NRXN3: variants seen among roughly 807,000 people sequenced by gnomAD.
The protein encoded by NRXN3 is neurexin 3.
A neutral mutation model predicts 137.6 loss-of-function variants in NRXN3; 32 were observed. The ratio of observed to expected loss-of-function variants is 0.23; its 90% CI spans 0.18 to 0.31. NRXN3 has a LOEUF of 0.31. Among genes scored for constraint, NRXN3 ranks in the 10% least tolerant of loss-of-function variants. NRXN3 has a pLI of 1.00. For synonymous variants in NRXN3, 798 were observed against 784.5 expected (o/e 1.02, Z -0.29); for missense variants, 1,574 against 2,062.5 (o/e 0.76, Z 4.59).
At chr14:78,838,802 G>A (rs1406559349) in intron 10 of NRXN3, among the ~76,000 whole-genome samples, 2 of 152,090 alleles carry the variant, frequency 1.3e-5, no homozygotes, top group Admixed American at 1.3e-4. Flanking sequence ...CATCTAATAT[G>A]CTGTTCAACT....
At chr14:78,784,637 GT>G (rs1479870456) in intron 8 of NRXN3, among the ~76,000 whole-genome samples, 6 of 152,184 alleles carry the variant, frequency 3.9e-5, no homozygotes, top group African/African-American at 1.2e-4. Flanking sequence ...TATAACAAGG[GT>G]AGGAGGTGAT....
At chr14:79,068,275 A>C (rs2099683288) in intron 15 of NRXN3, among the ~76,000 whole-genome samples, 3 of 152,116 alleles carry the variant, frequency 2.0e-5, no homozygotes, top group African/African-American at 7.2e-5. Context: ...GAATACTTTA[A>C]CTTTAAACCT....
At chr14:78,317,740 T>A (rs1018766120) in intron 4 of NRXN3, among the ~76,000 whole-genome samples, 3 of 152,306 alleles carry the variant, frequency 2.0e-5, no homozygotes, top group African/African-American at 7.2e-5. Context: ...GTACTGGGAC[T>A]CAGTTAAGTT....
chr14:78,559,104 C>T (rs1253967223), intron 4 of NRXN3, among the ~76,000 whole-genome samples: 1 of 151,620 alleles, frequency 6.6e-6, no homozygotes, highest in Non-Finnish European at 1.5e-5. Flanking sequence ...CACAAGGCCT[C>T]CCTGGTTTTA....
chr14:78,336,688 T>C (rs1381292234), intron 4 of NRXN3, among the ~76,000 whole-genome samples: 3 of 152,150 alleles, frequency 2.0e-5, no homozygotes, highest in Non-Finnish European at 4.4e-5. Flanking sequence ...GAGATGATTG[T>C]TAGTAACAGA....
Position 79,460,513 on chromosome 14 carries a change from T to C in NRXN3, c.3263-6708T>C, listed in dbSNP as rs1466231096. Among the ~76,000 whole-genome samples, 5 of 152,282 alleles carry C rather than the reference T, an allele frequency of 3.3e-5. No individual in the cohort carries two copies. In the South Asian group the frequency reaches 8.3e-4, roughly 25 times the overall value. ...AAAGGGTCTCACTCTGCACACCAAT[T>C]TGAGTTCCCATGTTATCAAACAGAT... On this transcript the variant is annotated intron_variant, in intron 15 of 20. Coordinates refer to ENST00000335750, the MANE Select transcript of NRXN3 (RefSeq NM_001330195.2).
intron 8 of NRXN3, among the ~76,000 whole-genome samples, chr14:78,776,693 G>T (rs1388783129): frequency 6.6e-6 from 1 of 152,134 alleles, no homozygotes; most frequent in East Asian, 1.9e-4. Context: ...TAGGATTCAT[G>T]ACCTGTTTCA....
intron 15 of NRXN3, among the ~76,000 whole-genome samples, chr14:78,992,642 C>A (rs550408734): frequency 3.3e-5 from 5 of 152,124 alleles, no homozygotes; most frequent in African/African-American, 1.2e-4. Context: ...GAATAGAACC[C>A]TCCTGCATGC....
chr14:79,843,992 T>C (rs1171002629), intron 20 of NRXN3, among the ~76,000 whole-genome samples: 1 of 152,164 alleles, frequency 6.6e-6, no homozygotes, highest in Non-Finnish European at 1.5e-5. Context: ...AGAGAGAGCA[T>C]ACAATATTTA....
At chr14:78,188,039 C>T (rs1255053035) in intron 1 of NRXN3, among the ~76,000 whole-genome samples, 1 of 152,126 alleles carries the variant, frequency 6.6e-6, no homozygotes, top group African/African-American at 2.4e-5. Flanking sequence ...ATGTGACTGT[C>T]CTCCACATAC....
chr14:78,418,391 A>G (rs1210850454), intron 4 of NRXN3, among the ~76,000 whole-genome samples: 2 of 152,104 alleles, frequency 1.3e-5, no homozygotes, highest in African/African-American at 4.8e-5. Context: ...TTGCCCTTAG[A>G]AATAAGGAAT....
intron 15 of NRXN3, among the ~76,000 whole-genome samples, chr14:79,200,795 A>G (rs988156514): frequency 8.3e-5 from 11 of 131,776 alleles, no homozygotes; most frequent in South Asian, 7.3e-4. Flanking sequence ...TTAAATCACT[A>G]TCTGAAATCC....
chr14:78,537,308 G>GT (rs1460149524), intron 4 of NRXN3, among the ~76,000 whole-genome samples: 2 of 152,200 alleles, frequency 1.3e-5, no homozygotes, highest in African/African-American at 4.8e-5. Context: ...TCTAACTGGT[G>GT]TGAGATGCTA....
chr14:78,513,707 G>C (rs2096152258), intron 4 of NRXN3, among the ~76,000 whole-genome samples: 2 of 152,088 alleles, frequency 1.3e-5, no homozygotes, highest in Non-Finnish European at 2.9e-5. Flanking sequence ...ATATTTTATG[G>C]TGGTCTGTAA....
At chr14:78,421,122 G>A (rs966248913) in intron 4 of NRXN3, among the ~76,000 whole-genome samples, 2 of 152,098 alleles carry the variant, frequency 1.3e-5, no homozygotes, top group African/African-American at 4.8e-5. Context: ...AATTAGCTGG[G>A]TGTGGTGGCA....
rs1022862289 is a variant in NRXN3 at position 79,868,243 on chromosome 14, C to G, written c.*6279C>G. The G allele has an allele frequency of 2.0e-5, 3 of 152,208 alleles. No individual in the cohort carries two copies. The highest frequency in any genetic ancestry group is 6.5e-5 in the Admixed American group (1 of 15,282). 9.4% of individuals were successfully genotyped at this position (152,208 alleles called of 1,614,324 possible). On this transcript the variant is annotated 3_prime_UTR_variant, in exon 21 of 21. Transcript: ENST00000335750. ...TCAAAATTAGCTGCTATATGCATGACTAACCAGGACCAAAAAGTTAATAAA... is the reference window on the plus strand; with the variant it reads ...TCAAAATTAGCTGCTATATGCATGAGTAACCAGGACCAAAAAGTTAATAAA...
chr14:78,200,715 C>A (rs2061599476), intron 1 of NRXN3, among the ~76,000 whole-genome samples: 1 of 152,124 alleles, frequency 6.6e-6, no homozygotes, highest in East Asian at 1.9e-4. Context: ...TTAATACATC[C>A]TTTATGGATT....
intron 4 of NRXN3, among the ~76,000 whole-genome samples, chr14:78,629,604 C>G (rs759464413): frequency 3.3e-5 from 5 of 152,220 alleles, no homozygotes; most frequent in African/African-American, 4.8e-5. Flanking sequence ...TCTGTTTGCA[C>G]AAATCATTCC....
At chr14:78,789,814 A>T (rs1301005117) in intron 8 of NRXN3, among the ~76,000 whole-genome samples, 2 of 152,026 alleles carry the variant, frequency 1.3e-5, no homozygotes, top group Non-Finnish European at 2.9e-5. Context: ...TTCTTGAAAC[A>T]TGGTTTACAG....
Sources: allele counts gnomAD v4.1 joint callset (sites outside exome capture counted in the v4.1 genomes callset), GRCh38; gene constraint gnomAD v4.1.1; transcripts MANE v1.5; gene names NCBI Gene and HGNC (gene_info 2026-07-23, HGNC 2026-07-21).